MEAK7: variants seen among roughly 807,000 people sequenced by gnomAD.
The protein encoded by MEAK7 is MTOR-associated protein MEAK7.
A neutral mutation model predicts 40.5 loss-of-function variants in MEAK7; 68 were observed. That is an observed-to-expected ratio of 1.68 (90% CI 1.38 to 2.06). The LOEUF is 2.06. MEAK7 is among the 30% of genes most tolerant of loss of function. The pLI, the probability that MEAK7 is intolerant of heterozygous loss-of-function variation, is 0.00. For missense variants in MEAK7, 918 were observed against 580.5 expected, an observed-to-expected ratio of 1.58 and a Z score of -5.98; for synonymous variants, 338 against 231.9, an observed-to-expected ratio of 1.46 and a Z score of -4.16.
chr16:84,497,632 T>C (rs1914157890), intron 2 of MEAK7: 1 of 1,378,896 alleles, frequency 7.3e-7, no homozygotes, highest in African/African-American at 1.4e-5. Context: ...ATTCATTATC[T>C]ACTCCAGGTT....
intron 5 of MEAK7, among the ~76,000 whole-genome samples, chr16:84,484,119 G>A (rs112664473): frequency 3.3e-5 from 5 of 152,326 alleles, no homozygotes; most frequent in African/African-American, 1.2e-4. Flanking sequence ...TTGCTGCGGA[G>A]CAAGGTCGCA....
chr16:84,482,860 A>T, intron 5 of MEAK7, 150 bp from the exon 6 acceptor site: 1 of 1,215,870 alleles, frequency 8.2e-7, no homozygotes, highest in Non-Finnish European at 1.2e-6. Context: ...GGTTTGGGAC[A>T]AGCTGCTAGG....
In MEAK7 at chr16:84,477,363, G is replaced by T. The variant is rs1408374416; in HGVS notation, c.*2550C>A. 2 of 151,844 alleles carry T rather than the reference G, an allele frequency of 1.3e-5. No individual in the cohort carries two copies. Among genetic ancestry groups the T allele is most frequent in the Non-Finnish European group, 2.9e-5 (2 of 68,004 alleles). 9.4% of individuals were successfully genotyped at this position (151,844 alleles called of 1,614,324 possible). On this transcript the variant is annotated 3_prime_UTR_variant, in exon 8 of 8. Transcript: ENST00000343629. ...TGTGCCACCATGCCCAGCTAATTTT[G>T]TATTTTTAGTAGAGATGGGGTTTCT...
intron 4 of MEAK7, chr16:84,488,071 A>G (rs1015203185): frequency 6.6e-6 from 1 of 152,118 alleles, no homozygotes; most frequent in African/African-American, 2.4e-5. Context: ...CAAAATTCCT[A>G]TCATTTCTAT....
chr16:84,486,990 A>AC lies in MEAK7; in HGVS notation c.598dup (p.Val200GlyfsTer27), dbSNP rs766571632. On this transcript the variant is annotated frameshift_variant, in exon 5 of 8. Transcript: ENST00000343629. LOFTEE classifies it high-confidence loss of function. ...TATGGCCACATGGGGGACCCTGAAC[A>AC]CCCAGTCCTCGATCACAGCTCGGTC... The AC allele has an allele frequency of 6.2e-7, 1 of 1,614,016 alleles. No individual in the cohort carries two copies. The highest frequency in any genetic ancestry group is 1.1e-5 in the South Asian group (1 of 91,072).
Position 84,478,405 on chromosome 16 carries a change from C to G in MEAK7, c.*1508G>C, listed in dbSNP as rs561303656. 1.3e-5 allele frequency: 2 copies of G among 152,330 alleles called. No homozygotes were observed. The highest frequency in any genetic ancestry group is 2.1e-4 in the South Asian group (1 of 4,824). 9.4% of individuals were successfully genotyped at this position (152,330 alleles called of 1,614,324 possible). A position where few individuals can be genotyped will look rare whatever the true frequency, so the allele number is the denominator to read the frequency against. ...TTGCTAAGTGGAAGGTTTGATGAAC[C>G]TCCCAGTAGAAAATGCAAGGCCTGC... On this transcript the variant is annotated 3_prime_UTR_variant, in exon 8 of 8. Coordinates refer to ENST00000343629, the MANE Select transcript of MEAK7 (RefSeq NM_020947.4).
At chr16:84,487,955 A>G (rs181379270) in intron 4 of MEAK7, 37 of 152,354 alleles carry the variant, frequency 2.4e-4, no homozygotes, top group African/African-American at 7.7e-4. Context: ...TACAGAGATT[A>G]TAATTCCCAA....
chr16:84,491,169 G>C (rs1273778894), intron 3 of MEAK7, among the ~76,000 whole-genome samples: 1 of 152,244 alleles, frequency 6.6e-6, no homozygotes, highest in Non-Finnish European at 1.5e-5. Flanking sequence ...GCTGGGCGTG[G>C]TGGCTCACGC....
intron 5 of MEAK7, among the ~76,000 whole-genome samples, chr16:84,483,298 G>A (rs778637431): frequency 2.6e-5 from 4 of 152,234 alleles, no homozygotes; most frequent in Non-Finnish European, 4.4e-5. Context: ...TGGAAACTAT[G>A]GGTCCCCAGT....
At chr16:84,484,131 G>T (rs1402457090) in intron 5 of MEAK7, among the ~76,000 whole-genome samples, 1 of 152,154 alleles carries the variant, frequency 6.6e-6, no homozygotes, top group African/African-American at 2.4e-5. Context: ...AAGGTCGCAG[G>T]GCCACAGAGT....
intron 1 of MEAK7, among the ~76,000 whole-genome samples, chr16:84,499,011 A>C (rs1597968494): frequency 6.6e-6 from 1 of 152,268 alleles, no homozygotes; most frequent in East Asian, 1.9e-4. Flanking sequence ...TTATCAACCA[A>C]GTCAACCAAA....
chr16:84,482,215 C>A (rs959623928), intron 6 of MEAK7, among the ~76,000 whole-genome samples: 3 of 152,180 alleles, frequency 2.0e-5, no homozygotes, highest in African/African-American at 7.2e-5. Context: ...TGCCGGCCGT[C>A]CATTCCCCTT....
At chr16:84,499,468 T>C (rs1914323502) in intron 1 of MEAK7, among the ~76,000 whole-genome samples, 1 of 152,212 alleles carries the variant, frequency 6.6e-6, no homozygotes, top group Non-Finnish European at 1.5e-5. Context: ...CACCAAGCCA[T>C]GACAACTCAA....
intron 1 of MEAK7, among the ~76,000 whole-genome samples, chr16:84,498,988 A>C (rs1705854330): frequency 6.6e-6 from 1 of 152,162 alleles, no homozygotes; most frequent in Non-Finnish European, 1.5e-5. Flanking sequence ...CCAGCCTCAG[A>C]AGATTGCCGT....
At chr16:84,482,871 G>A (rs1307289093) in intron 5 of MEAK7, among the ~76,000 whole-genome samples, 161 bp from the exon 6 acceptor site, 1 of 152,180 alleles carries the variant, frequency 6.6e-6, no homozygotes, top group Non-Finnish European at 1.5e-5. Context: ...AGCTGCTAGG[G>A]ACCCAGGTGG....
rs1357971035 is a variant in MEAK7, at chr16:84,478,633, C to T, written c.*1280G>A. 1 of 152,232 alleles carries T rather than the reference C, an allele frequency of 6.6e-6. No individual in the cohort carries two copies. The highest frequency in any genetic ancestry group is 1.9e-4 in the East Asian group (1 of 5,198). 9.4% of individuals were successfully genotyped at this position (152,232 alleles called of 1,614,324 possible). ...CCGGTGACTCACCGTGTGTTGTTTT[C>T]CAGACGTGGGCAGATGGCAGCTCTG... is the stretch of plus-strand genomic sequence containing the variant. On this transcript the variant is annotated 3_prime_UTR_variant, in exon 8 of 8. Coordinates refer to ENST00000343629, the MANE Select transcript of MEAK7 (RefSeq NM_020947.4).
chr16:84,491,551 A>AAAAAC (rs1913610001), intron 3 of MEAK7, among the ~76,000 whole-genome samples: 1 of 150,130 alleles, frequency 6.7e-6, no homozygotes, highest in Admixed American at 6.7e-5. Flanking sequence ...AAAAAAAAAA[A>AAAAAC]AAAACGTCTG....
At position 84,480,536 on chromosome 16, in the gene MEAK7, T is replaced by C. The variant is rs1339720201; in HGVS notation, c.1250A>G (p.Glu417Gly). The change falls in exon 7 of 8, where the codon GAG becomes GGG. Residue 417 changes from glutamate to glycine, a missense_variant. Physicochemically the swap from Glu to Gly is moderately conservative, Grantham distance 98. Coordinates refer to ENST00000343629, the MANE Select transcript of MEAK7 (RefSeq NM_020947.4). Reference sequence around the variant, plus strand: ...GAGGACAGCTCCACTCACCAACTGCTCCTCTGAGGGGTCTCCAACCGCCCA... The same window carrying C: ...GAGGACAGCTCCACTCACCAACTGCCCCTCTGAGGGGTCTCCAACCGCCCA... ...EVWAVGDPSE[E>G]QLAKGNKSIL... The C allele has an allele frequency of 1.2e-6, 2 of 1,607,776 alleles. No individual in the cohort carries two copies. Among genetic ancestry groups the C allele is most frequent in the Admixed American group, 1.7e-5 (1 of 59,226 alleles).
rs567653521 is a variant in MEAK7 at position 84,491,526 on chromosome 16, G to A, written c.385-2104C>T. Among the ~76,000 whole-genome samples, 131 of 106,156 alleles carry A rather than the reference G, an allele frequency of 1.2e-3. 1 individual carries two copies. The highest frequency in any genetic ancestry group is 2.2e-3 in the African/African-American group (63 of 28,528). 69.6% of individuals were successfully genotyped at this position (106,156 alleles called of 152,430 possible). On this transcript the variant is annotated intron_variant, in intron 3 of 7. Coordinates refer to ENST00000343629, the MANE Select transcript of MEAK7 (RefSeq NM_020947.4). ...TGCACTCCAGACTGGGCAACGGAGC[G>A]AGACCCTGTCTTAAAAAAAAAAAAA...
Sources: allele counts gnomAD v4.1 joint callset (sites outside exome capture counted in the v4.1 genomes callset), GRCh38; gene constraint gnomAD v4.1.1; transcripts MANE v1.5; gene names NCBI Gene and HGNC (gene_info 2026-07-23, HGNC 2026-07-21).